Variants in LRCH3 observed in about 807,000 individuals in gnomAD.
LRCH3 encodes leucine rich repeats and calponin homology domain containing 3, also known as DISP complex protein LRCH3.
Under a neutral mutation model 104.5 loss-of-function variants are expected in LRCH3, and 68 were observed. The observed-to-expected ratio is 0.65, with a 90% CI of 0.54 to 0.80. The LOEUF (loss-of-function observed/expected upper bound fraction) is 0.80. Among genes scored for constraint, LRCH3 ranks in the 30% least tolerant of loss-of-function variants. LRCH3 has a pLI of 0.00. For synonymous variants in LRCH3, 344 were observed against 361.3 expected (o/e 0.95, Z 0.54); for missense variants, 951 against 953.9 (o/e 1.00, Z 0.04).
chr3:197,849,831 G>A (rs1378420899), intron 12 of LRCH3, among the ~76,000 whole-genome samples: 3 of 152,054 alleles, frequency 2.0e-5, no homozygotes, highest in Non-Finnish European at 2.9e-5. Context: ...GGTTGTACAA[G>A]GAATATAAAG....
rs113781589 is a variant in LRCH3, at chr3:197,846,385, C to CAA, written c.1329-1010_1329-1009dup. Among the ~76,000 whole-genome samples, 377 of 66,592 alleles carry CAA rather than the reference C, an allele frequency of 5.7e-3. 10 individuals are homozygous for CAA. Among genetic ancestry groups the CAA allele is most frequent in the African/African-American group, 0.012 (240 of 20,800 alleles). 43.7% of individuals were successfully genotyped at this position (66,592 alleles called of 152,430 possible). A position where few individuals can be genotyped will look rare whatever the true frequency, so the allele number is the denominator to read the frequency against. ...CGGCATTGCACTCCACCTTGGGCCACAAAAAAAAAAAAAAACAAAAAAAAA... is the reference window on the plus strand; with the variant it reads ...CGGCATTGCACTCCACCTTGGGCCACAAAAAAAAAAAAAAAAACAAAAAAAAA... On this transcript the variant is annotated intron_variant, in intron 10 of 20. Coordinates refer to ENST00000425562, the MANE Select transcript of LRCH3 (RefSeq NM_001365715.1).
At chr3:197,807,034 G>C (rs1346423697) in intron 1 of LRCH3, among the ~76,000 whole-genome samples, 2 of 44,568 alleles carry the variant, frequency 4.5e-5, no homozygotes, top group African/African-American at 1.8e-4. Context: ...GCGAGACCCT[G>C]TGTCAAAAAA....
At chr3:197,813,510 A>ATTTTTTTTTTTTT (rs57062885) in intron 1 of LRCH3, among the ~76,000 whole-genome samples, 3 of 66,032 alleles carry the variant, frequency 4.5e-5, no homozygotes, top group African/African-American at 1.4e-4. Context: ...GAGGCATATA[A>ATTTTTTTTTTTTT]TTTTTTTTTT....
At chr3:197,879,564 G>GAT (rs1560063332) in intron 20 of LRCH3, among the ~76,000 whole-genome samples, 7 of 148,378 alleles carry the variant, frequency 4.7e-5, no homozygotes, top group East Asian at 1.9e-4. Context: ...GAGAATGGCG[G>GAT]GAACCCGGGA....
In LRCH3 at chr3:197,883,569, TAGAAG is replaced by T; in HGVS notation, c.2242_2246del (p.Glu748ArgfsTer48). ...CAATTATGTTTGCCTCTCCACATTT[TAGAAG>T]AGAAAGGTTTGAGCCAGGTTGCAGT... On this transcript the variant is annotated frameshift_variant, in exon 21 of 21. Transcript: ENST00000425562. LOFTEE classifies it high-confidence loss of function. This position sits in a 1 kb window ranked among gnomAD's most constrained non-coding sequence, Gnocchi z 4.2. 4.6e-6 allele frequency: 7 copies of T among 1,536,120 alleles called. No homozygotes were observed. The highest frequency in any genetic ancestry group is 6.1e-6 in the Non-Finnish European group (7 of 1,146,888).
intron 10 of LRCH3, among the ~76,000 whole-genome samples, chr3:197,843,962 T>C (rs1202172001): frequency 6.6e-6 from 1 of 152,168 alleles, no homozygotes; most frequent in Non-Finnish European, 1.5e-5. Flanking sequence ...CAGGTACTGC[T>C]AGGTGCTATG....
intron 15 of LRCH3, among the ~76,000 whole-genome samples, chr3:197,865,029 GTC>G (rs1741327789): frequency 2.0e-5 from 3 of 152,008 alleles, no homozygotes; most frequent in African/African-American, 4.8e-5. Flanking sequence ...GAGAGAGAGA[GTC>G]TCCCTCTGTC....
rs539107294 is a variant in LRCH3 at position 197,860,162 on chromosome 3, T to C, written c.1716+1257T>C. Among the ~76,000 whole-genome samples the C allele has an allele frequency of 6.6e-5, 10 of 152,206 alleles. No homozygotes were observed. The South Asian group carries it at 2.1e-3, about 32-fold the overall frequency. ...GAATACAGATGCGCACCACCATGCCTGGCTGACTTTTTAAGTTTTTGTAGA... is the reference window on the plus strand; with the variant it reads ...GAATACAGATGCGCACCACCATGCCCGGCTGACTTTTTAAGTTTTTGTAGA... On this transcript the variant is annotated intron_variant, in intron 15 of 20. Coordinates refer to ENST00000425562, the MANE Select transcript of LRCH3 (RefSeq NM_001365715.1).
intron 14 of LRCH3, among the ~76,000 whole-genome samples, chr3:197,857,855 A>G (rs976449099): frequency 6.6e-6 from 1 of 151,592 alleles, no homozygotes; most frequent in Non-Finnish European, 1.5e-5. Context: ...TGTGTGTTAC[A>G]TGCTGCTTTT....
At chr3:197,801,345 G>A (rs1397296257) in intron 1 of LRCH3, among the ~76,000 whole-genome samples, 2 of 152,180 alleles carry the variant, frequency 1.3e-5, no homozygotes, top group Non-Finnish European at 2.9e-5. Flanking sequence ...GGAGCTTTGG[G>A]TTGGGAGTCA....
intron 3 of LRCH3, among the ~76,000 whole-genome samples, chr3:197,819,822 G>A (rs1207868862): frequency 1.3e-5 from 2 of 152,046 alleles, no homozygotes; most frequent in South Asian, 2.1e-4. Flanking sequence ...GGAAATTAAC[G>A]TTTGAGGCTT....
chr3:197,797,586 C>T (rs978776574), intron 1 of LRCH3, among the ~76,000 whole-genome samples: 23 of 152,008 alleles, frequency 1.5e-4, no homozygotes, highest in Non-Finnish European at 8.8e-5. Context: ...CTAGGCCGGG[C>T]GCAGTGGCTC....
At chr3:197,811,391 G>A (rs1319779773) in intron 1 of LRCH3, among the ~76,000 whole-genome samples, 1 of 151,768 alleles carries the variant, frequency 6.6e-6, no homozygotes, top group African/African-American at 2.4e-5. Flanking sequence ...GTTTTACATT[G>A]CTCAGTGTTG....
intron 18 of LRCH3, among the ~76,000 whole-genome samples, chr3:197,870,776 G>A (rs1274640618): frequency 1.3e-5 from 2 of 151,230 alleles, no homozygotes; most frequent in African/African-American, 2.5e-5. Context: ...GCGCCCGGCT[G>A]TAATTTTTAA....
intron 10 of LRCH3, among the ~76,000 whole-genome samples, chr3:197,844,994 G>C (rs115361578): frequency 6.6e-6 from 1 of 152,164 alleles, no homozygotes; most frequent in African/African-American, 2.4e-5. Context: ...ATCATTGACA[G>C]ACTTGTGAGG....
intron 20 of LRCH3, chr3:197,880,871 T>G (rs1713698845): frequency 6.9e-7 from 1 of 1,444,768 alleles, no homozygotes; most frequent in East Asian, 2.5e-5. Flanking sequence ...TATTTGCAGA[T>G]GAGCACCCCC....
At chr3:197,875,822 C>G (rs1402690633) in intron 20 of LRCH3, 47 bp downstream of exon 20, 1 of 1,259,506 alleles carries the variant, frequency 7.9e-7, no homozygotes, top group Non-Finnish European at 1.1e-6. Context: ...ACTTGGTTGT[C>G]CTAAAATTTT....
At chr3:197,847,596 T>A in intron 11 of LRCH3, 136 bp downstream of exon 11, 1 of 737,558 alleles carries the variant, frequency 1.4e-6, no homozygotes, top group East Asian at 2.7e-5. Flanking sequence ...ATATAACATA[T>A]GTACGTGATA....
intron 19 of LRCH3, 95 bp downstream of exon 19, chr3:197,871,557 G>C (rs1395804958): frequency 2.0e-6 from 3 of 1,527,846 alleles, no homozygotes; most frequent in Non-Finnish European, 2.7e-6. Flanking sequence ...AGATATTAAG[G>C]ATACAGATAT....
Sources: gnomAD v4.1 joint callset for allele counts (sites outside exome capture counted in the v4.1 genomes callset) on GRCh38, gnomAD v4.1.1 for gene constraint, Gnocchi (gnomAD v3.1) non-coding constraint, MANE v1.5 for transcripts, NCBI Gene and HGNC (gene_info 2026-07-23, HGNC 2026-07-21) for gene names.